ADCY8: variants seen among roughly 807,000 people sequenced by gnomAD.
The protein encoded by ADCY8 is adenylate cyclase type 8.
In ADCY8, 51 loss-of-function variants were observed where a neutral mutation model predicts 119.7. The observed-to-expected ratio is 0.43, with a 90% CI of 0.34 to 0.54. The LOEUF is 0.54. Ranked by LOEUF, ADCY8 falls within the 20% of genes least tolerant of loss-of-function variation. The pLI, the probability that ADCY8 is intolerant of heterozygous loss-of-function variation, is 0.03. For missense variants in ADCY8, 1,383 were observed against 1,598.8 expected (o/e 0.87, Z 2.30); for synonymous variants, 665 against 651.0 (o/e 1.02, Z -0.33).
At chr8:130,847,538 AGAAC>A (rs772254355) in intron 10 of ADCY8, 25 bp from the exon 11 acceptor site, 4 of 1,460,362 alleles carry the variant, frequency 2.7e-6, no homozygotes, top group Middle Eastern at 1.8e-4. Context: ...AAAAAAAAAA[AGAAC>A]AACAAAAACA....
intron 14 of ADCY8, among the ~76,000 whole-genome samples, chr8:130,806,583 G>C (rs1815965708): frequency 6.6e-6 from 1 of 152,164 alleles, no homozygotes; most frequent in African/African-American, 2.4e-5. Flanking sequence ...GGCTCAAAGG[G>C]ATGAGAAGAG....
chr8:130,929,695 C>A (rs1820575341), intron 5 of ADCY8, among the ~76,000 whole-genome samples: 1 of 152,108 alleles, frequency 6.6e-6, no homozygotes. Context: ...TTATTGATTT[C>A]CTATGTGGAT....
At chr8:130,800,351 T>A in intron 15 of ADCY8, 75 bp downstream of exon 15, 4 of 1,525,974 alleles carry the variant, frequency 2.6e-6, no homozygotes, top group Non-Finnish European at 3.6e-6. Flanking sequence ...AAATAAGTAA[T>A]TCCTACAATG....
intron 1 of ADCY8, among the ~76,000 whole-genome samples, chr8:131,029,275 G>C (rs544871758): frequency 3.9e-4 from 59 of 152,282 alleles, no homozygotes; most frequent in African/African-American, 1.4e-3. Flanking sequence ...GGTGTGACTT[G>C]TACAATAATT....
At chr8:130,907,655 C>T (rs576488929) in intron 6 of ADCY8, among the ~76,000 whole-genome samples, 28 of 152,298 alleles carry the variant, frequency 1.8e-4, no homozygotes, top group South Asian at 6.2e-4. Flanking sequence ...ACTCATGACT[C>T]ATGATATGAA....
In ADCY8 at chr8:130,826,995, C is replaced by T. The variant is rs531608087; in HGVS notation, c.2676-5575G>A. Among the ~76,000 whole-genome samples the T allele has an allele frequency of 1.1e-4, 16 of 152,216 alleles. No individual in the cohort carries two copies. The East Asian group carries it at 2.7e-3, about 26-fold the overall frequency. Reference sequence around the variant, plus strand: ...CGAGTTAATGGGTGCAGCAAACCAACACGGCACATGTATACATATGTAACA... The same window carrying T: ...CGAGTTAATGGGTGCAGCAAACCAATACGGCACATGTATACATATGTAACA... On this transcript the variant is annotated intron_variant, in intron 12 of 17. Coordinates refer to ENST00000286355, the MANE Select transcript of ADCY8 (RefSeq NM_001115.3).
intron 15 of ADCY8, among the ~76,000 whole-genome samples, chr8:130,800,144 G>C (rs1365586159): frequency 1.3e-5 from 2 of 152,124 alleles, no homozygotes; most frequent in African/African-American, 4.8e-5. Context: ...GAGGCCTCTA[G>C]TCAAGTCCTG....
At position 130,908,522 on chromosome 8, in the gene ADCY8, G is replaced by A. The variant is rs530797854; in HGVS notation, c.1640+1186C>T. Among the ~76,000 whole-genome samples the A allele has an allele frequency of 5.9e-5, 9 of 152,066 alleles. No homozygotes were observed. The South Asian group carries it at 1.0e-3, about 18-fold the overall frequency. On this transcript the variant is annotated intron_variant, in intron 6 of 17. Coordinates refer to ENST00000286355, the MANE Select transcript of ADCY8 (RefSeq NM_001115.3). ...CCCTGCACAGTGTACAAAAAAAAGC[G>A]CTTCATACCCATTGCCTGAGATAAT...
intron 4 of ADCY8, among the ~76,000 whole-genome samples, chr8:130,940,563 C>G (rs1820927261): frequency 6.6e-6 from 1 of 152,020 alleles, no homozygotes; most frequent in Non-Finnish European, 1.5e-5. Flanking sequence ...GGCCTGGATT[C>G]TTATCTGTCA....
At chr8:130,984,875 G>A (rs547161134) in intron 2 of ADCY8, among the ~76,000 whole-genome samples, 1 of 152,262 alleles carries the variant, frequency 6.6e-6, no homozygotes, top group African/African-American at 2.4e-5. Flanking sequence ...CTGGTGGTGG[G>A]CATCTGGATC....
At chr8:130,890,463 C>G (rs563743783) in intron 7 of ADCY8, among the ~76,000 whole-genome samples, 1 of 152,114 alleles carries the variant, frequency 6.6e-6, no homozygotes, top group Non-Finnish European at 1.5e-5. Context: ...AAATGGACTT[C>G]AAATTTTGGA....
intron 1 of ADCY8, among the ~76,000 whole-genome samples, chr8:131,005,534 A>C (rs1349976022): frequency 6.6e-6 from 1 of 152,178 alleles, no homozygotes; most frequent in Non-Finnish European, 1.5e-5. Context: ...GCCTCTAAAA[A>C]ACTGCCCTTC....
intron 7 of ADCY8, among the ~76,000 whole-genome samples, chr8:130,889,358 A>T (rs571706254): frequency 2.0e-5 from 3 of 152,120 alleles, no homozygotes; most frequent in Non-Finnish European, 2.9e-5. Flanking sequence ...AAAATTTCTT[A>T]TATCTTCCTA....
At chr8:130,811,515 G>T (rs1472796205) in intron 14 of ADCY8, among the ~76,000 whole-genome samples, 1 of 152,212 alleles carries the variant, frequency 6.6e-6, no homozygotes, top group African/African-American at 2.4e-5. Flanking sequence ...TGTCCTAAGG[G>T]TTTTTCATTT....
chr8:130,903,740 T>C (rs1819684456), intron 7 of ADCY8, 32 bp downstream of exon 7: 1 of 1,608,020 alleles, frequency 6.2e-7, no homozygotes, highest in Non-Finnish European at 8.5e-7. Flanking sequence ...CATGCATTCA[T>C]GGCCAAGCAG....
intron 2 of ADCY8, 99 bp downstream of exon 2, chr8:130,990,294 C>G: frequency 1.4e-6 from 2 of 1,452,444 alleles, no homozygotes; most frequent in East Asian, 4.6e-5. Flanking sequence ...TAAGAGAACA[C>G]TTTTAAGTCA....
rs562608117 is a variant in ADCY8, at chr8:130,938,820, C to T, written c.1354-1620G>A. On this transcript the variant is annotated intron_variant, in intron 4 of 17. Transcript: ENST00000286355. ...TCAGAACTCTGACAGCATGTACAGC[C>T]ATCCCAGGATTATTTTTAGGGGATC... Among the ~76,000 whole-genome samples the T allele has an allele frequency of 3.9e-5, 6 of 152,328 alleles. No individual in the cohort carries two copies. In the East Asian group the frequency reaches 1.2e-3, roughly 29 times the overall value.
chr8:130,860,691 G>T (rs1817897260), intron 9 of ADCY8, among the ~76,000 whole-genome samples: 1 of 152,116 alleles, frequency 6.6e-6, no homozygotes, highest in Admixed American at 6.5e-5. Flanking sequence ...TGTTACATAG[G>T]TATACATCTG....
At chr8:130,921,926 C>G (rs973919430) in intron 5 of ADCY8, among the ~76,000 whole-genome samples, 5 of 152,108 alleles carry the variant, frequency 3.3e-5, no homozygotes, top group Non-Finnish European at 1.5e-5. Context: ...GTGATTGGAT[C>G]ATAAGGGATC....
Sources: gnomAD v4.1 joint callset for allele counts (sites outside exome capture counted in the v4.1 genomes callset) on GRCh38, gnomAD v4.1.1 for gene constraint, MANE v1.5 for transcripts, NCBI Gene and HGNC (gene_info 2026-07-23, HGNC 2026-07-21) for gene names.